LPAR6: variants seen among roughly 807,000 people sequenced by gnomAD.
LPAR6 encodes lysophosphatidic acid receptor 6.
In LPAR6, 17 loss-of-function variants were observed where a neutral mutation model predicts 22.0. The observed-to-expected ratio is 0.77, with a 90% CI of 0.53 to 1.16. The LOEUF (loss-of-function observed/expected upper bound fraction) is 1.16, where lower values mean the gene tolerates loss of function less well. Ranked by LOEUF, LPAR6 falls within the 50% of genes most tolerant of loss-of-function variation. LPAR6 has a pLI of 0.00. For synonymous variants in LPAR6, 136 were observed against 139.8 expected (o/e 0.97, Z 0.19); for missense variants, 384 against 406.9 (o/e 0.94, Z 0.48).
intron 1 of LPAR6, among the ~76,000 whole-genome samples, chr13:48,435,122 A>G (rs1016235785): frequency 6.6e-6 from 1 of 152,198 alleles, no homozygotes; most frequent in Non-Finnish European, 1.5e-5. Flanking sequence ...ATTTTCTTTG[A>G]TAAAAGACTG....
chr13:48,399,594 C>T (rs1389496744), intron 1 of LPAR6, among the ~76,000 whole-genome samples: 1 of 151,860 alleles, frequency 6.6e-6, no homozygotes, highest in Non-Finnish European at 1.5e-5. Flanking sequence ...ATTAATAAGG[C>T]ATTAAATGGG....
chr13:48,422,077 T>C (rs1474519638), intron 2 of LPAR6, among the ~76,000 whole-genome samples: 5 of 152,218 alleles, frequency 3.3e-5, no homozygotes, highest in African/African-American at 1.2e-4. Context: ...CATATGCTTA[T>C]TGCAGCAGTA....
chr13:48,439,093 G>T (rs769452039), intron 1 of LPAR6, among the ~76,000 whole-genome samples: 1 of 152,120 alleles, frequency 6.6e-6, no homozygotes, highest in Non-Finnish European at 1.5e-5. Context: ...GCAAAGGAAC[G>T]TGACTCCCAT....
upstream of LPAR6, among the ~76,000 whole-genome samples, chr13:48,416,991 G>A (rs1307705621): frequency 6.6e-6 from 1 of 152,198 alleles, no homozygotes; most frequent in Non-Finnish European, 1.5e-5. Flanking sequence ...GGTGGCTATT[G>A]GTGCAGCTTC....
In LPAR6 at chr13:48,419,548, G is replaced by A. The variant is rs146317101; in HGVS notation, c.-953-2228C>T. 2.6e-3 allele frequency among the ~76,000 whole-genome samples: 401 copies of A among 152,284 alleles called. 1 individual carries two copies. The highest frequency in any genetic ancestry group is 4.6e-3 in the Non-Finnish European group (311 of 68,016). On this transcript the variant is annotated intron_variant, in intron 2 of 4. Coordinates refer to the LPAR6 transcript ENST00000345941. ...AAATAACCAAGGTCAGAGAAGAACT[G>A]AAGGAGAGAGAAACACGAAAAACCC...
At chr13:48,402,930 A>G (rs74076000) in intron 1 of LPAR6, among the ~76,000 whole-genome samples, 1 of 152,226 alleles carries the variant, frequency 6.6e-6, no homozygotes, top group African/African-American at 2.4e-5. Flanking sequence ...AGTAGTATTC[A>G]TTTTTATTTA....
chr13:48,436,758 C>T (rs1949188570), intron 1 of LPAR6, among the ~76,000 whole-genome samples: 1 of 152,126 alleles, frequency 6.6e-6, no homozygotes, highest in African/African-American at 2.4e-5. Flanking sequence ...TCAGAAAGGC[C>T]AAGGTCTGCC....
At chr13:48,434,110 G>C (rs1949158896) in intron 1 of LPAR6, among the ~76,000 whole-genome samples, 1 of 151,664 alleles carries the variant, frequency 6.6e-6, no homozygotes, top group Non-Finnish European at 1.5e-5. Context: ...TAATAGCTTT[G>C]TATTTTATTA....
intron 1 of LPAR6, among the ~76,000 whole-genome samples, chr13:48,403,875 T>A (rs1023608795): frequency 1.3e-5 from 2 of 151,880 alleles, no homozygotes; most frequent in Admixed American, 6.6e-5. Context: ...AAAATGCACC[T>A]CTGTAGTCCC....
At chr13:48,394,046 GGT>G (rs1344590215) in intron 1 of LPAR6, among the ~76,000 whole-genome samples, 1 of 152,158 alleles carries the variant, frequency 6.6e-6, no homozygotes, top group Non-Finnish European at 1.5e-5. Context: ...TTCCAACTGA[GGT>G]ACCTGGCTCA....
At chr13:48,402,260 G>A (rs1948698480) in intron 1 of LPAR6, among the ~76,000 whole-genome samples, 1 of 151,628 alleles carries the variant, frequency 6.6e-6, no homozygotes, top group African/African-American at 2.4e-5. Flanking sequence ...TGATTTAGTT[G>A]AACCCACATA....
intron 1 of LPAR6, among the ~76,000 whole-genome samples, chr13:48,394,241 C>T (rs1948631179): frequency 6.6e-6 from 1 of 152,230 alleles, no homozygotes; most frequent in Non-Finnish European, 1.5e-5. Flanking sequence ...GCTTTTCCCA[C>T]AGTCTTCGCA....
upstream of LPAR6, among the ~76,000 whole-genome samples, chr13:48,431,803 C>A (rs183955421): frequency 3.9e-5 from 6 of 152,208 alleles, no homozygotes; most frequent in African/African-American, 1.2e-4. Flanking sequence ...TGGATTTTTG[C>A]CCTGGCCATA....
At chr13:48,430,777 A>C (rs1010545766), upstream of LPAR6, among the ~76,000 whole-genome samples, 1 of 142,780 alleles carries the variant, frequency 7.0e-6, no homozygotes, top group African/African-American at 2.6e-5. Flanking sequence ...AAAAAAAAAA[A>C]CAGTAGAGGC....
downstream of LPAR6, chr13:48,406,504 T>G (rs1948741289): frequency 6.6e-6 from 1 of 152,206 alleles, no homozygotes; most frequent in South Asian, 2.1e-4. Flanking sequence ...TGAAGACAAA[T>G]GCATCTCTAC....
chr13:48,411,859 C>A lies in LPAR6; in HGVS notation c.565G>T (p.Glu189Ter). The A allele has an allele frequency of 8.7e-6, 14 of 1,613,722 alleles. No individual in the cohort carries two copies. Among genetic ancestry groups the A allele is most frequent in the Non-Finnish European group, 1.2e-5 (14 of 1,179,730 alleles). The change falls in exon 1 of 1, where the codon GAA (glutamate) becomes TAA (stop). Residue 189 changes from glutamate to a stop codon, truncating the protein, a stop_gained. Transcript: ENST00000620633. LOFTEE classifies it high-confidence loss of function. The part of the protein sequence containing the change: ...TYLSRIVIFI[E>*]IVGFFIPLIL... ...AGAGGAATAAAAAATCCCACTATTTCGATGAAAATTACAATCCTTGAGAGA... is the reference window on the plus strand; with the variant it reads ...AGAGGAATAAAAAATCCCACTATTTAGATGAAAATTACAATCCTTGAGAGA...
downstream of LPAR6, among the ~76,000 whole-genome samples, chr13:48,406,143 T>C (rs747723303): frequency 3.3e-5 from 5 of 152,080 alleles, no homozygotes; most frequent in Non-Finnish European, 7.4e-5. Flanking sequence ...TGTTATGTAA[T>C]TGAAATTGTG....
intron 2 of LPAR6, among the ~76,000 whole-genome samples, chr13:48,422,340 G>A (rs139786371): frequency 3.5e-4 from 53 of 152,218 alleles, no homozygotes; most frequent in African/African-American, 1.2e-3. Context: ...ACACAGGGAG[G>A]GGAACATCAC....
chr13:48,429,607 C>A, upstream of LPAR6: 1 of 151,684 alleles, frequency 6.6e-6, no homozygotes, highest in East Asian at 1.9e-4. Flanking sequence ...AAACAAAAAA[C>A]CTTGACCTTA....
Sources: allele counts gnomAD v4.1 joint callset (sites outside exome capture counted in the v4.1 genomes callset), GRCh38; gene constraint gnomAD v4.1.1; transcripts MANE v1.5; gene names NCBI Gene and HGNC (gene_info 2026-07-23, HGNC 2026-07-21).